Variants in LRP1 observed in about 807,000 individuals in gnomAD.
The protein encoded by LRP1 is LDL receptor related protein 1.
LRP1 carries 51 observed loss-of-function variants against 541.5 expected under a neutral mutation model. The observed-to-expected ratio is 0.09, with a 90% CI of 0.08 to 0.12. The LOEUF (loss-of-function observed/expected upper bound fraction) is 0.12. Ranked by LOEUF, LRP1 falls within the 10% of genes least tolerant of loss-of-function variation. The pLI is 1.00. For missense variants in LRP1, 3,878 were observed against 6,376.2 expected (o/e 0.61, Z 13.34); for synonymous variants, 2,219 against 2,470.8 (o/e 0.90, Z 3.02).
intron 1 of LRP1, among the ~76,000 whole-genome samples, chr12:57,136,215 C>T (rs1275817964): frequency 6.6e-6 from 1 of 152,002 alleles, no homozygotes. Flanking sequence ...TTATTCCAGG[C>T]TCAGGGTGGG....
chr12:57,203,354 G>A (rs377264443), intron 69 of LRP1, 35 bp from the exon 70 acceptor site: 106 of 1,592,410 alleles, frequency 6.7e-5, no homozygotes, highest in Non-Finnish European at 8.5e-5. Flanking sequence ...GGGGAGTGCC[G>A]AGAGGTGACC....
Position 57,156,325 on chromosome 12 carries a change from C to T in LRP1, c.1417+42C>T. 6.3e-7 allele frequency: 1 copy of T among 1,596,220 alleles called. No homozygotes were observed. Among genetic ancestry groups the T allele is most frequent in the Non-Finnish European group, 8.6e-7 (1 of 1,168,858 alleles). On this transcript the variant is annotated intron_variant, in intron 9 of 88. Coordinates refer to ENST00000243077, the MANE Select transcript of LRP1 (RefSeq NM_002332.3). The surrounding 1 kb of genome is among the most constrained non-coding windows in gnomAD (Gnocchi z 5.2). The stretch of plus-strand genomic sequence containing the variant: ...GGCCCCTCCAAAGCTGGCTTTACCC[C>T]ATGATGGCTCTGGGACCTTGGGATC...
At chr12:57,200,602 G>C (rs893515881) in intron 63 of LRP1, 67 bp downstream of exon 63, 1 of 1,552,142 alleles carries the variant, frequency 6.4e-7, no homozygotes, top group Non-Finnish European at 8.9e-7. Context: ...CTGAGGCTTT[G>C]AATGGCCACT....
intron 1 of LRP1, 60 bp downstream of exon 1, chr12:57,129,091 T>G (rs1330954830): frequency 6.8e-7 from 1 of 1,472,418 alleles, no homozygotes; most frequent in Admixed American, 2.0e-5. Context: ...CAGCCCCCAC[T>G]CCTGCATACG....
In LRP1 at chr12:57,173,089, G is replaced by A. The variant is rs971294662; in HGVS notation, c.3164-79G>A. ...CTCATATCCCCAGGCTGGGCTTACC[G>A]GGGTGGCAGGGCACAGGGATGAGGA... On this transcript the variant is annotated intron_variant, in intron 20 of 88. Transcript: ENST00000243077. The surrounding 1 kb of genome is among the most constrained non-coding windows in gnomAD (Gnocchi z 4.7). The A allele has an allele frequency of 6.4e-6, 8 of 1,252,860 alleles. No homozygotes were observed. Among genetic ancestry groups the A allele is most frequent in the African/African-American group, 6.0e-5 (4 of 67,090 alleles). The allele number at this position is 1,252,860 out of a possible 1,614,324, so 77.6% of individuals were successfully genotyped here.
chr12:57,176,628 G>A (rs1035887667), intron 24 of LRP1, among the ~76,000 whole-genome samples: 10 of 152,178 alleles, frequency 6.6e-5, no homozygotes, highest in African/African-American at 2.4e-4. Flanking sequence ...TGTATTGTTT[G>A]TAATAATACA....
At position 57,204,364 on chromosome 12, in the gene LRP1, G is replaced by T; in HGVS notation, c.10952-46G>T. ...CCCCACCTGTGGAGACAGGGGTCTG[G>T]GTGGGCTCATGGCTCATTCTATCTC... On this transcript the variant is annotated intron_variant, in intron 70 of 88. Coordinates refer to ENST00000243077, the MANE Select transcript of LRP1 (RefSeq NM_002332.3). This position sits in a 1 kb window ranked among gnomAD's most constrained non-coding sequence, Gnocchi z 5.3. The T allele has an allele frequency of 1.3e-6, 2 of 1,498,314 alleles. No individual in the cohort carries two copies. The highest frequency in any genetic ancestry group is 1.8e-6 in the Non-Finnish European group (2 of 1,122,692). The allele number at this position is 1,498,314 out of a possible 1,614,324, so 92.8% of individuals were successfully genotyped here. A position where few individuals can be genotyped will look rare whatever the true frequency, so the allele number is the denominator to read the frequency against.
At chr12:57,203,578 T>C in intron 70 of LRP1, 57 bp downstream of exon 70, 2 of 1,450,788 alleles carry the variant, frequency 1.4e-6, no homozygotes, top group Non-Finnish European at 1.8e-6. Context: ...CCCCGCCACA[T>C]GGCCCAGTCA....
intron 76 of LRP1, among the ~76,000 whole-genome samples, chr12:57,207,023 C>T (rs141852395): frequency 1.1e-3 from 172 of 152,220 alleles, no homozygotes; most frequent in African/African-American, 4.0e-3. Flanking sequence ...GGGTGGATCA[C>T]GAGGTCAGGA....
Position 57,211,691 on chromosome 12 carries a change from T to C in LRP1, c.13194-59T>C. On this transcript the variant is annotated intron_variant, in intron 85 of 88. Coordinates refer to ENST00000243077, the MANE Select transcript of LRP1 (RefSeq NM_002332.3). This position sits in a 1 kb window ranked among gnomAD's most constrained non-coding sequence, Gnocchi z 4.3. ...TCAGTGCCCACCCCCCGCCCTGTTT[T>C]CCTGGCAGCAGTGGCTATGGAGGTT... The C allele has an allele frequency of 1.4e-6, 2 of 1,439,348 alleles. No individual in the cohort carries two copies. The highest frequency in any genetic ancestry group is 2.8e-5 in the African/African-American group (2 of 71,504). The allele number at this position is 1,439,348 out of a possible 1,614,324, so 89.2% of individuals were successfully genotyped here. A position where few individuals can be genotyped will look rare whatever the true frequency, so the allele number is the denominator to read the frequency against.
At chr12:57,166,425 G>T (rs1308093516) in intron 17 of LRP1, 2 of 560,454 alleles carry the variant, frequency 3.6e-6, no homozygotes, top group East Asian at 6.7e-5. Context: ...GCCGGGCGTG[G>T]TGGCGTGCAC....
intron 68 of LRP1, 27 bp downstream of exon 68, chr12:57,202,564 A>G (rs1179770810): frequency 9.7e-7 from 1 of 1,027,104 alleles, no homozygotes; most frequent in Non-Finnish European, 1.2e-6. Flanking sequence ...CCAGCCCCGC[A>G]TGAGCCCCTC....
chr12:57,173,763 G>A lies in LRP1; in HGVS notation c.3347-17G>A, dbSNP rs558223979. On this transcript the variant is annotated splice_polypyrimidine_tract_variant and intron_variant, in intron 21 of 88. Coordinates refer to ENST00000243077, the MANE Select transcript of LRP1 (RefSeq NM_002332.3). The surrounding 1 kb of genome is among the most constrained non-coding windows in gnomAD (Gnocchi z 4.7). ...CAGTCCCCGGGCCTGGGCCCTCATA[G>A]TGCACCTGTCCCTCAGCTCGGTGCA... 1 of 1,613,482 alleles carries A rather than the reference G, an allele frequency of 6.2e-7. No homozygotes were observed. Among genetic ancestry groups the A allele is most frequent in the African/African-American group, 1.3e-5 (1 of 75,058 alleles).
In LRP1 at chr12:57,210,019, A is replaced by G. The variant is rs2036872267; in HGVS notation, c.12440-10A>G. 1.3e-6 allele frequency: 2 copies of G among 1,598,530 alleles called. No homozygotes were observed. The highest frequency in any genetic ancestry group is 1.7e-6 in the Non-Finnish European group (2 of 1,170,970). ...GCTCAGCATCCTCCCCACCCCACCC[A>G]TACCTGCAGTGACCAACCCATGTGA... On this transcript the variant is annotated splice_polypyrimidine_tract_variant and intron_variant, in intron 80 of 88. Coordinates refer to ENST00000243077, the MANE Select transcript of LRP1 (RefSeq NM_002332.3).
intron 1 of LRP1, among the ~76,000 whole-genome samples, chr12:57,130,765 T>C (rs2035022676): frequency 6.6e-6 from 1 of 151,552 alleles, no homozygotes; most frequent in African/African-American, 2.4e-5. Flanking sequence ...TCTAAAGGAG[T>C]TCTATTTGCC....
At chr12:57,129,243 CACAA>C (rs1286627528) in intron 1 of LRP1, 7 of 579,862 alleles carry the variant, frequency 1.2e-5, no homozygotes, top group East Asian at 2.8e-5. Context: ...GGCCCCCCAG[CACAA>C]ACAAAGACCA....
intron 62 of LRP1, 31 bp from the exon 63 acceptor site, chr12:57,200,411 C>T (rs1358376720): frequency 1.7e-6 from 2 of 1,209,988 alleles, no homozygotes; most frequent in Non-Finnish European, 2.5e-6. Flanking sequence ...CAGACCCCCA[C>T]CAACCCCTCT....
rs989336437 is a variant in LRP1 at position 57,162,632 on chromosome 12, C to T, written c.2404+114C>T. ...ACTTCCCAGGGATCCTAGGCTCTGA[C>T]TTTTGAGGATCCTGAGAAGAGAACT... On this transcript the variant is annotated intron_variant, in intron 14 of 88. Coordinates refer to ENST00000243077, the MANE Select transcript of LRP1 (RefSeq NM_002332.3). This position sits in a 1 kb window ranked among gnomAD's most constrained non-coding sequence, Gnocchi z 5.2. 6 of 1,276,336 alleles carry T rather than the reference C, an allele frequency of 4.7e-6. No individual in the cohort carries two copies. The African/African-American group carries it at 8.9e-5, about 19-fold the overall frequency. The allele number at this position is 1,276,336 out of a possible 1,614,324, so 79.1% of individuals were successfully genotyped here. A position where few individuals can be genotyped will look rare whatever the true frequency, so the allele number is the denominator to read the frequency against.
chr12:57,191,959 T>TACACACACCACACACACACCACAA (rs1565744212), intron 44 of LRP1, among the ~76,000 whole-genome samples: 1 of 4,580 alleles, frequency 2.2e-4, no homozygotes, highest in African/African-American at 9.0e-4. Flanking sequence ...ACACACCACA[T>TACACACACCACACACACACCACAA]ACACACACCA....
Sources: allele counts gnomAD v4.1 joint callset (sites outside exome capture counted in the v4.1 genomes callset), GRCh38; gene constraint gnomAD v4.1.1; non-coding constraint Gnocchi (gnomAD v3.1); transcripts MANE v1.5; gene names NCBI Gene and HGNC (gene_info 2026-07-23, HGNC 2026-07-21).